The following TANC2 variants were observed in gnomAD, a reference collection of about 807,000 sequenced individuals.
The protein encoded by TANC2 is tetratricopeptide repeat, ankyrin repeat and coiled-coil containing 2, also known as protein TANC2.
TANC2 carries 26 observed loss-of-function variants against 210.5 expected under a neutral mutation model. The observed-to-expected ratio is 0.12, with a 90% CI of 0.09 to 0.17. The LOEUF (loss-of-function observed/expected upper bound fraction) is 0.17, where lower values mean the gene tolerates loss of function less well. TANC2 is among the 10% of genes least tolerant of loss of function. TANC2 has a pLI of 1.00. For missense variants in TANC2, 2,129 were observed against 2,608.9 expected (o/e 0.82, Z 4.01); for synonymous variants, 931 against 967.1 (o/e 0.96, Z 0.69).
At chr17:63,407,539 A>G (rs1599057735) in intron 21 of TANC2, among the ~76,000 whole-genome samples, 1 of 152,248 alleles carries the variant, frequency 6.6e-6, no homozygotes, top group East Asian at 1.9e-4. Flanking sequence ...ACCAGTGAAG[A>G]CATTTTCATC....
At chr17:63,405,773 A>G (rs2048484412) in intron 20 of TANC2, among the ~76,000 whole-genome samples, 1 of 152,246 alleles carries the variant, frequency 6.6e-6, no homozygotes, top group Admixed American at 6.5e-5. Context: ...AAGAGTTACC[A>G]GAGTCACTTG....
chr17:62,969,723 ACATT>A (rs1275791562), intron 1 of TANC2, among the ~76,000 whole-genome samples: 1 of 151,866 alleles, frequency 6.6e-6, no homozygotes, highest in Non-Finnish European at 1.5e-5. Context: ...ATATAAATAC[ACATT>A]CATACACACA....
At chr17:63,144,481 T>C (rs2039398811) in intron 4 of TANC2, among the ~76,000 whole-genome samples, 1 of 152,198 alleles carries the variant, frequency 6.6e-6, no homozygotes, top group African/African-American at 2.4e-5. Context: ...ACATATACTA[T>C]ATCTCTAGCT....
intron 8 of TANC2, among the ~76,000 whole-genome samples, chr17:63,240,865 A>G (rs1361828863): frequency 6.6e-6 from 1 of 152,134 alleles, no homozygotes; most frequent in Non-Finnish European, 1.5e-5. Context: ...TCTAGAAAGC[A>G]TTCTCTTTTT....
chr17:63,032,688 G>A (rs2144150722), intron 2 of TANC2, among the ~76,000 whole-genome samples: 1 of 152,236 alleles, frequency 6.6e-6, no homozygotes, highest in East Asian at 1.9e-4. Context: ...TGGAGATACA[G>A]CAGTGCTATA....
chr17:63,366,691 C>CGAAA (rs2047120145), intron 14 of TANC2, among the ~76,000 whole-genome samples: 1 of 152,144 alleles, frequency 6.6e-6, no homozygotes, highest in Non-Finnish European at 1.5e-5. Context: ...AATGCTTTTC[C>CGAAA]ACTCATTTCT....
intron 9 of TANC2, 31 bp downstream of exon 9, chr17:63,267,904 C>A: frequency 6.4e-7 from 1 of 1,574,756 alleles, no homozygotes; most frequent in Non-Finnish European, 8.6e-7. Context: ...TTAAGGGTGC[C>A]CGGGAACAGA....
At chr17:63,096,027 C>T (rs192855500) in intron 3 of TANC2, among the ~76,000 whole-genome samples, 3 of 152,048 alleles carry the variant, frequency 2.0e-5, no homozygotes, top group Admixed American at 1.3e-4. Context: ...ATATTGCTTT[C>T]GAAATACTAA....
At chr17:63,064,810 T>A (rs571505418) in intron 2 of TANC2, among the ~76,000 whole-genome samples, 1 of 152,296 alleles carries the variant, frequency 6.6e-6, no homozygotes, top group South Asian at 2.1e-4. Context: ...TTTTGATATA[T>A]GTATGAATTG....
intron 1 of TANC2, chr17:62,967,490 T>C (rs575946692): frequency 1.3e-5 from 2 of 152,334 alleles, no homozygotes; most frequent in East Asian, 1.9e-4. Context: ...ACATAAACAA[T>C]GATAATTAAC....
intron 9 of TANC2, among the ~76,000 whole-genome samples, chr17:63,276,943 A>C (rs2043894600): frequency 6.6e-6 from 1 of 152,226 alleles, no homozygotes; most frequent in Non-Finnish European, 1.5e-5. Context: ...ATAGCAGTAC[A>C]TTGGCTTATG....
chr17:63,213,869 C>T (rs1598620050), intron 7 of TANC2, among the ~76,000 whole-genome samples: 1 of 152,196 alleles, frequency 6.6e-6, no homozygotes, highest in African/African-American at 2.4e-5. Context: ...CCAACATTTT[C>T]AGCACCAGGA....
chr17:63,346,462 A>T (rs1419762617), intron 12 of TANC2, among the ~76,000 whole-genome samples: 1 of 152,218 alleles, frequency 6.6e-6, no homozygotes, highest in Non-Finnish European at 1.5e-5. Flanking sequence ...TTTACAAAAG[A>T]AGATACGTCA....
intron 14 of TANC2, among the ~76,000 whole-genome samples, chr17:63,361,427 C>T (rs764882335): frequency 2.6e-5 from 4 of 152,246 alleles, no homozygotes; most frequent in Non-Finnish European, 5.9e-5. Flanking sequence ...CAACCAGGCA[C>T]GCTGGCTGCT....
chr17:63,202,991 G>C (rs1489089755), intron 7 of TANC2, among the ~76,000 whole-genome samples: 1 of 151,960 alleles, frequency 6.6e-6, no homozygotes, highest in African/African-American at 2.4e-5. Flanking sequence ...CATTTTACCT[G>C]CGAACACTTA....
At chr17:63,217,921 A>G (rs1429259989) in intron 7 of TANC2, among the ~76,000 whole-genome samples, 1 of 152,188 alleles carries the variant, frequency 6.6e-6, no homozygotes, top group East Asian at 1.9e-4. Context: ...TCACGAATCA[A>G]TCAGTGTAGT....
intron 9 of TANC2, among the ~76,000 whole-genome samples, chr17:63,275,288 A>G (rs1468759679): frequency 6.6e-6 from 1 of 152,166 alleles, no homozygotes; most frequent in African/African-American, 2.4e-5. Context: ...AGCCATTCAG[A>G]GGCTTTGTGT....
chr17:63,024,370 T>A (rs113883022), intron 2 of TANC2, among the ~76,000 whole-genome samples: 23 of 152,316 alleles, frequency 1.5e-4, no homozygotes, highest in Middle Eastern at 6.8e-3. Flanking sequence ...TAGGGTAACA[T>A]CCTGTCATTG....
intron 15 of TANC2, among the ~76,000 whole-genome samples, chr17:63,387,152 A>T (rs1457942881): frequency 2.0e-5 from 3 of 152,180 alleles, no homozygotes; most frequent in Non-Finnish European, 4.4e-5. Context: ...ACCTGGCTGA[A>T]AATAAAATTT....
Sources: allele counts gnomAD v4.1 joint callset (sites outside exome capture counted in the v4.1 genomes callset), GRCh38; gene constraint gnomAD v4.1.1; transcripts MANE v1.5; gene names NCBI Gene and HGNC (gene_info 2026-07-23, HGNC 2026-07-21).